Variants in SCML2 observed in about 807,000 individuals in gnomAD.
The protein encoded by SCML2 is Scm polycomb group protein like 2.
In SCML2, 6 loss-of-function variants were observed where a neutral mutation model predicts 48.4. The observed-to-expected ratio is 0.12, with a 90% CI of 0.07 to 0.24. The LOEUF (loss-of-function observed/expected upper bound fraction) is 0.24. Among genes scored for constraint, SCML2 ranks in the 10% least tolerant of loss-of-function variants. SCML2 has a pLI of 1.00. For synonymous variants in SCML2, 181 were observed against 189.5 expected, an observed-to-expected ratio of 0.95 and a Z score of 0.37; for missense variants, 377 against 528.2, an observed-to-expected ratio of 0.71 and a Z score of 2.81.
At chrX:18,324,141 AGACACATG>A in intron 4 of SCML2, 48 bp from the exon 5 acceptor site, 1 of 808,078 alleles carries the variant, frequency 1.2e-6, no homozygotes, top group Non-Finnish European at 1.8e-6. Flanking sequence ...CTATAAGAGA[AGACACATG>A]GACAGCTATG....
Position 18,255,762 on chromosome X carries a change from G to A in SCML2, c.1456+1086C>T, listed in dbSNP as rs192073042. 8.9e-4 allele frequency among the ~76,000 whole-genome samples: 100 copies of A among 112,896 alleles called. No individual in the cohort carries two copies. The East Asian group carries it at 0.01, about 12-fold the overall frequency. On this transcript the variant is annotated intron_variant, in intron 11 of 14. Coordinates refer to ENST00000251900, the MANE Select transcript of SCML2 (RefSeq NM_006089.3). Reference sequence around the variant, plus strand: ...TAGTAGCTAGAGACGTGGTACCCACGCTTCACACTTGAGTGGCACGTGAAT... The same window carrying A: ...TAGTAGCTAGAGACGTGGTACCCACACTTCACACTTGAGTGGCACGTGAAT...
At chrX:18,295,051 C>T (rs1273177962) in intron 7 of SCML2, among the ~76,000 whole-genome samples, 1 of 111,409 alleles carries the variant, frequency 9.0e-6, no homozygotes, top group Non-Finnish European at 1.9e-5. Context: ...CCTGCTGCTA[C>T]CACAGCCGCC....
intron 7 of SCML2, among the ~76,000 whole-genome samples, chrX:18,296,728 T>C (rs1602113865): frequency 9.0e-6 from 1 of 111,360 alleles, no homozygotes; most frequent in Non-Finnish European, 1.9e-5. Context: ...GACAGACCAA[T>C]TGACAAGCAA....
At chrX:18,313,692 C>A (rs187156350) in intron 6 of SCML2, among the ~76,000 whole-genome samples, 1 of 111,802 alleles carries the variant, frequency 8.9e-6, no homozygotes, top group East Asian at 2.8e-4. Context: ...CGTATGGCAG[C>A]TGTTCCAAAC....
Position 18,240,978 on chromosome X carries a change from T to G in SCML2, c.*273A>C, listed in dbSNP as rs1926243672. The G allele has an allele frequency of 2.9e-5, 4 of 140,157 alleles. No individual in the cohort carries two copies. The highest frequency in any genetic ancestry group is 2.4e-4 in the Admixed American group (3 of 12,358). 11.6% of individuals were successfully genotyped at this position (140,157 alleles called of 1,213,427 possible). On this transcript the variant is annotated 3_prime_UTR_variant, in exon 15 of 15. Transcript: ENST00000251900. ...TGTACAATGAAAATTTAAAAAGACA[T>G]AAAGAACTGCCAATTTGAATATGCC...
chrX:18,289,923 T>A (rs924332658), intron 7 of SCML2, among the ~76,000 whole-genome samples: 2 of 110,784 alleles, frequency 1.8e-5, no homozygotes, highest in African/African-American at 6.6e-5. Flanking sequence ...AACAAAAAAA[T>A]TCCCAAAAGA....
chrX:18,274,235 G>A (rs1049694997), intron 7 of SCML2, among the ~76,000 whole-genome samples: 11 of 111,699 alleles, frequency 9.8e-5, no homozygotes, highest in Non-Finnish European at 1.3e-4. Context: ...CCCCCATGGA[G>A]TTCACTCCTT....
At chrX:18,334,790 AT>A (rs1353935010) in intron 1 of SCML2, among the ~76,000 whole-genome samples, 1 of 112,450 alleles carries the variant, frequency 8.9e-6, no homozygotes, top group East Asian at 2.8e-4. Context: ...CTATAAAAAA[AT>A]ATGTACATGG....
intron 7 of SCML2, among the ~76,000 whole-genome samples, chrX:18,282,272 T>C (rs1407498711): frequency 3.6e-5 from 4 of 110,047 alleles, no homozygotes; most frequent in African/African-American, 1.0e-4. Context: ...ATAAGTACAA[T>C]CAGAAATGAT....
Position 18,271,859 on chromosome X carries a change from A to G in SCML2, c.731-6057T>C, listed in dbSNP as rs1036787592. Reference sequence around the variant, plus strand: ...TCACCTTTTCACTTAAAGGAAGCCTAGAGTTCATATACACTCAGCTGTGCT... The same window carrying G: ...TCACCTTTTCACTTAAAGGAAGCCTGGAGTTCATATACACTCAGCTGTGCT... On this transcript the variant is annotated intron_variant, in intron 7 of 14. Coordinates refer to ENST00000251900, the MANE Select transcript of SCML2 (RefSeq NM_006089.3). 3.6e-5 allele frequency among the ~76,000 whole-genome samples: 4 copies of G among 110,988 alleles called. No individual in the cohort carries two copies. The East Asian group carries it at 8.5e-4, about 24-fold the overall frequency.
chrX:18,302,742 T>C (rs1432756055), intron 7 of SCML2, among the ~76,000 whole-genome samples: 2 of 111,530 alleles, frequency 1.8e-5, no homozygotes, highest in African/African-American at 3.3e-5. Flanking sequence ...AAAGAATATT[T>C]ATCTGAGGGA....
intron 1 of SCML2, among the ~76,000 whole-genome samples, chrX:18,352,926 G>A (rs1306690093): frequency 1.8e-5 from 2 of 111,409 alleles, no homozygotes; most frequent in East Asian, 2.8e-4. Flanking sequence ...AGTTCATATG[G>A]CTGCATGATG....
At chrX:18,284,574 C>A (rs1248998465) in intron 7 of SCML2, among the ~76,000 whole-genome samples, 7 of 111,586 alleles carry the variant, frequency 6.3e-5, no homozygotes, top group Non-Finnish European at 1.3e-4. Context: ...AATAAATAAC[C>A]CCATTTAAAA....
chrX:18,332,681 AAG>A (rs1397538915), intron 2 of SCML2, among the ~76,000 whole-genome samples: 3 of 111,996 alleles, frequency 2.7e-5, no homozygotes, highest in Non-Finnish European at 5.6e-5. Context: ...ACATCACAAA[AAG>A]AGATAACTAG....
chrX:18,333,441 T>C (rs1225026013), intron 2 of SCML2, among the ~76,000 whole-genome samples: 2 of 111,958 alleles, frequency 1.8e-5, no homozygotes, highest in African/African-American at 3.2e-5. Flanking sequence ...CAAATTTGTA[T>C]TTACTAAATA....
chrX:18,343,142 AT>A (rs1741468100), intron 1 of SCML2, among the ~76,000 whole-genome samples: 1 of 94,598 alleles, frequency 1.1e-5, no homozygotes, highest in Non-Finnish European at 2.1e-5. Context: ...TTTATTTTTT[AT>A]TTTTTTCCTT....
chrX:18,295,703 C>A (rs1416669125), intron 7 of SCML2, among the ~76,000 whole-genome samples: 1 of 107,844 alleles, frequency 9.3e-6, no homozygotes, highest in East Asian at 3.0e-4. Context: ...ATACACTGAC[C>A]ATGGGCCCAA....
At chrX:18,288,009 C>T (rs1928115083) in intron 7 of SCML2, among the ~76,000 whole-genome samples, 2 of 111,435 alleles carry the variant, frequency 1.8e-5, no homozygotes, top group South Asian at 7.4e-4. Flanking sequence ...ATGATAATCT[C>T]CATAGCTTTT....
intron 8 of SCML2, among the ~76,000 whole-genome samples, chrX:18,263,207 TA>T (rs1238942558): frequency 9.0e-6 from 1 of 110,620 alleles, no homozygotes; most frequent in Non-Finnish European, 1.9e-5. Flanking sequence ...ACAAGCCACA[TA>T]AAGTTAATAT....
Sources: allele counts gnomAD v4.1 joint callset (sites outside exome capture counted in the v4.1 genomes callset), GRCh38; gene constraint gnomAD v4.1.1; transcripts MANE v1.5; gene names NCBI Gene and HGNC (gene_info 2026-07-23, HGNC 2026-07-21).